Variants in NAV2 observed in about 807,000 individuals in gnomAD.
NAV2 encodes the protein helicase, APC down-regulated 1.
Under a neutral mutation model 223.2 loss-of-function variants are expected in NAV2, and 54 were observed. The ratio of observed to expected loss-of-function variants is 0.24; its 90% CI spans 0.19 to 0.30. The LOEUF is 0.30. Ranked by LOEUF, NAV2 falls within the 10% of genes least tolerant of loss-of-function variation. The probability of loss-of-function intolerance (pLI) is 1.00; values close to 1 mark genes in which losing one functional copy is unlikely to be tolerated. For synonymous variants in NAV2, 1,279 were observed against 1,239.3 expected, an observed-to-expected ratio of 1.03 and a Z score of -0.67; for missense variants, 2,806 against 3,147.5, an observed-to-expected ratio of 0.89 and a Z score of 2.60.
intron 22 of NAV2, among the ~76,000 whole-genome samples, chr11:20,073,323 T>C (rs1255324286): frequency 2.6e-5 from 4 of 152,240 alleles, no homozygotes; most frequent in Admixed American, 2.0e-4. Context: ...GATGTGCTGC[T>C]GGATTTGGTT....
At chr11:19,807,756 G>A (rs926191560) in intron 1 of NAV2, among the ~76,000 whole-genome samples, 5 of 152,224 alleles carry the variant, frequency 3.3e-5, no homozygotes, top group Admixed American at 2.6e-4. Context: ...TCATAGCAGT[G>A]TTCTCCAATG....
intron 3 of NAV2, among the ~76,000 whole-genome samples, chr11:19,860,055 A>C (rs543555452): frequency 2.0e-3 from 73 of 36,982 alleles, no homozygotes; most frequent in Admixed American, 3.7e-3. Flanking sequence ...ACCCCCCCCA[A>C]CTCCCTCCTG....
intron 11 of NAV2, chr11:20,023,135 A>G: frequency 6.4e-7 from 1 of 1,551,752 alleles, no homozygotes; most frequent in Non-Finnish European, 8.7e-7. Context: ...CTTACAAGGT[A>G]GGACGATTTT....
chr11:19,793,046 T>C (rs540900079), intron 1 of NAV2, among the ~76,000 whole-genome samples: 1 of 151,596 alleles, frequency 6.6e-6, no homozygotes, highest in East Asian at 1.9e-4. Flanking sequence ...CTGTCTCTAC[T>C]AAAAATACAA....
chr11:19,726,863 C>A (rs1429191643), intron 1 of NAV2, among the ~76,000 whole-genome samples: 1 of 152,060 alleles, frequency 6.6e-6, no homozygotes, highest in Non-Finnish European at 1.5e-5. Flanking sequence ...GCATTTATGC[C>A]CTCAACCCCT....
chr11:19,743,098 C>T (rs915147156), intron 1 of NAV2, among the ~76,000 whole-genome samples: 7 of 147,278 alleles, frequency 4.8e-5, no homozygotes, highest in Non-Finnish European at 1.1e-4. Flanking sequence ...AAATTCTACT[C>T]CCCCTATTTG....
chr11:19,671,617 G>A (rs1313437877), intron 1 of NAV2, among the ~76,000 whole-genome samples: 1 of 152,194 alleles, frequency 6.6e-6, no homozygotes, highest in Non-Finnish European at 1.5e-5. Flanking sequence ...GCACAAGACT[G>A]AGTTTCAACA....
rs755506633 is a variant in NAV2 at position 20,044,058 on chromosome 11, C to T, written c.2985C>T (p.Gly995=). The change falls in exon 13 of 38, where the codon GGC becomes GGT. Residue 995 remains glycine (G), a synonymous_variant. Coordinates refer to ENST00000349880, the MANE Select transcript of NAV2 (RefSeq NM_145117.5). ...SGDDVKKSDG[G]SDSGIKMEPG... ...ATGATGTCAAGAAATCAGACGGAGG[C>T]TCAGACAGCGGCATAAAAATGGAGC... is the stretch of plus-strand genomic sequence containing the variant. 6.2e-7 allele frequency: 1 copy of T among 1,614,170 alleles called. No individual in the cohort carries two copies. Among genetic ancestry groups the T allele is most frequent in the Middle Eastern group, 1.6e-4 (1 of 6,062 alleles).
intron 17 of NAV2, among the ~76,000 whole-genome samples, chr11:20,053,766 C>T (rs996669081): frequency 6.6e-6 from 1 of 152,200 alleles, no homozygotes; most frequent in African/African-American, 2.4e-5. Context: ...AAGGTGGGGG[C>T]TTTGACGTGA....
At chr11:19,479,248 C>T (rs772821568) in intron 1 of NAV2, among the ~76,000 whole-genome samples, 4 of 152,236 alleles carry the variant, frequency 2.6e-5, no homozygotes, top group South Asian at 2.1e-4. Flanking sequence ...GCTTTGCCAC[C>T]GTGGCTCTCT....
chr11:19,361,588 G>A (rs1370271692), intron 1 of NAV2, among the ~76,000 whole-genome samples: 2 of 151,992 alleles, frequency 1.3e-5, no homozygotes, highest in African/African-American at 2.4e-5. Flanking sequence ...ACAGTCCTGA[G>A]GTCACTACAT....
Position 20,106,982 on chromosome 11 carries a change from A to G in NAV2, c.6842-682A>G, listed in dbSNP as rs2245967. Among the ~76,000 whole-genome samples, 862 of 151,378 alleles carry G rather than the reference A, an allele frequency of 5.7e-3. 7 individuals carry two copies. Among genetic ancestry groups the G allele is most frequent in the African/African-American group, 0.02 (807 of 41,144 alleles). ...TTTAAAAATTATTTTTAAAGGCTAC[A>G]AAATGATCAAATGTAGATGTACCCT... On this transcript the variant is annotated intron_variant, in intron 35 of 37. Transcript: ENST00000349880.
rs190151465 is a variant in NAV2, at chr11:19,555,947, G to A, written c.75+204920G>A. 4.6e-5 allele frequency among the ~76,000 whole-genome samples: 7 copies of A among 152,122 alleles called. No individual in the cohort carries two copies. The East Asian group carries it at 1.4e-3, about 30-fold the overall frequency. ...CACCTGGCTGGACACCCTTGAGTGG[G>A]TCACAGCCTGTGCACCTGTCCCTAC... On this transcript the variant is annotated intron_variant, in intron 1 of 37. Transcript: ENST00000360655.
intron 2 of NAV2, among the ~76,000 whole-genome samples, chr11:19,834,088 G>A (rs1328973677): frequency 2.6e-5 from 4 of 152,250 alleles, no homozygotes; most frequent in Admixed American, 2.6e-4. Context: ...AAAGGGGACA[G>A]GATGATACAA....
intron 1 of NAV2, among the ~76,000 whole-genome samples, chr11:19,724,862 C>T (rs1475025892): frequency 6.6e-6 from 1 of 152,214 alleles, no homozygotes; most frequent in Non-Finnish European, 1.5e-5. Context: ...GTTCCTACTT[C>T]CCCATTTATT....
intron 1 of NAV2, among the ~76,000 whole-genome samples, chr11:19,539,309 CAAG>C (rs1411082591): frequency 2.6e-5 from 4 of 152,086 alleles, no homozygotes; most frequent in Non-Finnish European, 5.9e-5. Context: ...TTGATCTATC[CAAG>C]AAGAAGATCT....
intron 13 of NAV2, 40 bp from the exon 14 acceptor site, chr11:20,044,928 C>A (rs991350244): frequency 1.3e-6 from 2 of 1,530,386 alleles, no homozygotes; most frequent in Non-Finnish European, 1.8e-6. Context: ...GATGAGCTGG[C>A]TCTTGGCTTG....
intron 1 of NAV2, among the ~76,000 whole-genome samples, chr11:19,512,429 C>G (rs2134241349): frequency 6.6e-6 from 1 of 152,290 alleles, no homozygotes; most frequent in Non-Finnish European, 1.5e-5. Context: ...GAGGTGCCAA[C>G]TACCAATGGC....
At chr11:20,093,236 C>T (rs79838860) in intron 29 of NAV2, 37 bp downstream of exon 29, 3 of 1,396,898 alleles carry the variant, frequency 2.1e-6, no homozygotes, top group Non-Finnish European at 3.1e-6. Flanking sequence ...GCCTGTCCCT[C>T]CCCCAGGTAG....
Sources: allele counts gnomAD v4.1 joint callset (sites outside exome capture counted in the v4.1 genomes callset), GRCh38; gene constraint gnomAD v4.1.1; transcripts MANE v1.5; gene names NCBI Gene and HGNC (gene_info 2026-07-23, HGNC 2026-07-21).